KCNT2: variants seen among roughly 807,000 people sequenced by gnomAD.
KCNT2 encodes the protein potassium sodium-activated channel subfamily T member 2, also known as potassium channel subfamily T member 2.
A neutral mutation model predicts 153.8 loss-of-function variants in KCNT2; 67 were observed. That is an observed-to-expected ratio of 0.44 (90% CI 0.36 to 0.53). The LOEUF is 0.53. Among genes scored for constraint, KCNT2 ranks in the 20% least tolerant of loss-of-function variants. KCNT2 has a pLI of 0.00. For synonymous variants in KCNT2, 500 were observed against 458.8 expected, an observed-to-expected ratio of 1.09 and a Z score of -1.15; for missense variants, 975 against 1,354.8, an observed-to-expected ratio of 0.72 and a Z score of 4.40.
rs1289289314 is a variant in KCNT2, at chr1:196,428,397, G to A, written c.820-128C>T. 7 of 657,064 alleles carry A rather than the reference G, an allele frequency of 1.1e-5. 1 individual carries two copies. The highest frequency in any genetic ancestry group is 5.5e-5 in the Admixed American group (2 of 36,556). The allele number at this position is 657,064 out of a possible 1,614,324, so 40.7% of individuals were successfully genotyped here. A position where few individuals can be genotyped will look rare whatever the true frequency, so the allele number is the denominator to read the frequency against. ...GAACTCATTGAGATTCTAATTGTCA[G>A]TATTCCCCTTCAACGACAGACTTTT... is the stretch of plus-strand genomic sequence containing the variant. On this transcript the variant is annotated intron_variant, in intron 9 of 27. Coordinates refer to ENST00000294725, the MANE Select transcript of KCNT2 (RefSeq NM_198503.5).
intron 8 of KCNT2, among the ~76,000 whole-genome samples, chr1:196,463,268 A>T (rs139504142): frequency 6.6e-6 from 1 of 151,826 alleles, no homozygotes; most frequent in African/African-American, 2.4e-5. Flanking sequence ...TATAACTAAT[A>T]TATAACATTG....
At chr1:196,547,396 T>C (rs1032563467) in intron 1 of KCNT2, among the ~76,000 whole-genome samples, 4 of 151,970 alleles carry the variant, frequency 2.6e-5, no homozygotes, top group Non-Finnish European at 5.9e-5. Flanking sequence ...GGACACTTAC[T>C]TTCTCATCCT....
chr1:196,268,499 G>A (rs900271210), intron 25 of KCNT2, among the ~76,000 whole-genome samples: 1 of 152,040 alleles, frequency 6.6e-6, no homozygotes, highest in Admixed American at 6.6e-5. Context: ...GCTTCACGGA[G>A]CATTTTATTA....
intron 10 of KCNT2, among the ~76,000 whole-genome samples, 160 bp downstream of exon 10, chr1:196,427,945 T>C (rs1047181306): frequency 1.3e-5 from 2 of 152,114 alleles, no homozygotes; most frequent in Non-Finnish European, 2.9e-5. Context: ...ATTTTTTTTC[T>C]ATGTTCCTGG....
At chr1:196,574,080 A>G (rs1389447829) in intron 1 of KCNT2, among the ~76,000 whole-genome samples, 1 of 151,964 alleles carries the variant, frequency 6.6e-6, no homozygotes, top group Non-Finnish European at 1.5e-5. Context: ...TCATAGTTAC[A>G]TGGTCTTAAT....
intron 1 of KCNT2, 21 bp from the exon 2 acceptor site, chr1:196,492,362 C>T (rs779919319): frequency 2.6e-5 from 34 of 1,333,162 alleles, no homozygotes; most frequent in Non-Finnish European, 3.3e-5. Flanking sequence ...AAAATAAAAA[C>T]ATGTAAATGT....
At chr1:196,602,420 G>C (rs1664825271) in intron 1 of KCNT2, among the ~76,000 whole-genome samples, 1 of 152,152 alleles carries the variant, frequency 6.6e-6, no homozygotes, top group African/African-American at 2.4e-5. Flanking sequence ...CAATGTTGGT[G>C]TCCCCATGAA....
intron 22 of KCNT2, among the ~76,000 whole-genome samples, chr1:196,292,620 C>G (rs560908526): frequency 6.6e-6 from 1 of 152,128 alleles, no homozygotes; most frequent in South Asian, 2.1e-4. Context: ...TCCTGGCTAA[C>G]GCGGTGAAAC....
At chr1:196,291,538 A>G (rs572102076) in intron 22 of KCNT2, among the ~76,000 whole-genome samples, 1 of 152,150 alleles carries the variant, frequency 6.6e-6, no homozygotes, top group African/African-American at 2.4e-5. Context: ...TACATATGAG[A>G]AATAAAAATT....
At chr1:196,393,737 A>G (rs1670680942) in intron 13 of KCNT2, among the ~76,000 whole-genome samples, 2 of 151,476 alleles carry the variant, frequency 1.3e-5, no homozygotes, top group Non-Finnish European at 3.0e-5. Flanking sequence ...GTGCCCTTTA[A>G]TCGTGGTTTG....
At chr1:196,539,045 C>A (rs1374913858) in intron 1 of KCNT2, among the ~76,000 whole-genome samples, 2 of 152,064 alleles carry the variant, frequency 1.3e-5, no homozygotes, top group Non-Finnish European at 2.9e-5. Flanking sequence ...GCATTTCATG[C>A]AGTTTAATCA....
intron 26 of KCNT2, among the ~76,000 whole-genome samples, chr1:196,252,951 G>A (rs1656115754): frequency 6.6e-6 from 1 of 150,826 alleles, no homozygotes; most frequent in African/African-American, 2.4e-5. Flanking sequence ...TTCATAAAGT[G>A]GTTTTTTCCT....
chr1:196,300,084 A>C (rs960419373), intron 22 of KCNT2, among the ~76,000 whole-genome samples: 1 of 152,210 alleles, frequency 6.6e-6, no homozygotes, highest in Non-Finnish European at 1.5e-5. Flanking sequence ...AAACTTTCTC[A>C]AACTTGTATA....
At chr1:196,246,677 G>T (rs1289011894) in intron 26 of KCNT2, among the ~76,000 whole-genome samples, 1 of 152,052 alleles carries the variant, frequency 6.6e-6, no homozygotes, top group East Asian at 1.9e-4. Context: ...TTGTTTGTTT[G>T]TTTATGCAAT....
intron 13 of KCNT2, among the ~76,000 whole-genome samples, chr1:196,395,329 G>A (rs1178868134): frequency 6.6e-6 from 1 of 151,524 alleles, no homozygotes; most frequent in Admixed American, 6.6e-5. Flanking sequence ...TGTAAGCTCA[G>A]AATTATATGC....
chr1:196,563,547 A>G (rs1659704390), intron 1 of KCNT2, among the ~76,000 whole-genome samples: 1 of 151,886 alleles, frequency 6.6e-6, no homozygotes, highest in Non-Finnish European at 1.5e-5. Context: ...CCTTCATACC[A>G]AAAATAGACA....
At chr1:196,390,367 T>G (rs1471941582) in intron 13 of KCNT2, among the ~76,000 whole-genome samples, 1 of 151,560 alleles carries the variant, frequency 6.6e-6, no homozygotes, top group African/African-American at 2.4e-5. Context: ...GAATTTATAT[T>G]AAGTGTGAAG....
intron 8 of KCNT2, among the ~76,000 whole-genome samples, chr1:196,453,215 G>T (rs1471517602): frequency 2.0e-5 from 3 of 151,838 alleles, no homozygotes; most frequent in Non-Finnish European, 4.4e-5. Flanking sequence ...GCCAGAGACT[G>T]CAGTAGAACG....
At chr1:196,228,533 T>C (rs757137175) in intron 27 of KCNT2, among the ~76,000 whole-genome samples, 198 bp from the exon 28 acceptor site, 2 of 152,166 alleles carry the variant, frequency 1.3e-5, no homozygotes, top group African/African-American at 2.4e-5. Context: ...TTTTCATACC[T>C]GAGAAGATTA....
Sources: allele counts gnomAD v4.1 joint callset (sites outside exome capture counted in the v4.1 genomes callset), GRCh38; gene constraint gnomAD v4.1.1; transcripts MANE v1.5; gene names NCBI Gene and HGNC (gene_info 2026-07-23, HGNC 2026-07-21).